Variants in PUM2 observed in about 807,000 individuals in gnomAD.
PUM2 encodes the protein pumilio homolog 2.
PUM2 carries 57 observed loss-of-function variants against 124.5 expected under a neutral mutation model. The ratio of observed to expected loss-of-function variants is 0.46; its 90% confidence interval spans 0.37 to 0.57. The LOEUF (loss-of-function observed/expected upper bound fraction) is 0.57. Ranked by LOEUF, PUM2 falls within the 20% of genes least tolerant of loss-of-function variation. PUM2 has a pLI of 0.00. For synonymous variants in PUM2, 460 were observed against 446.1 expected, an observed-to-expected ratio of 1.03 and a Z score of -0.39; for missense variants, 1,065 against 1,290.6, an observed-to-expected ratio of 0.83 and a Z score of 2.68.
chr2:20,249,270 A>C lies in PUM2; in HGVS notation c.*2315T>G, dbSNP rs916168587. 1 of 152,332 alleles carries C rather than the reference A, an allele frequency of 6.6e-6. No individual in the cohort carries two copies. The highest frequency in any genetic ancestry group is 1.9e-4 in the East Asian group (1 of 5,200). The allele number at this position is 152,332 out of a possible 1,614,324, so 9.4% of individuals were successfully genotyped here. A position where few individuals can be genotyped will look rare whatever the true frequency, so the allele number is the denominator to read the frequency against. Reference sequence around the variant, plus strand: ...AGGAAAGCCATTACCAATCTCCAACATGACAGCTTTGATCCTGAAACCATG... The same window carrying C: ...AGGAAAGCCATTACCAATCTCCAACCTGACAGCTTTGATCCTGAAACCATG... On this transcript the variant is annotated 3_prime_UTR_variant, in exon 21 of 21. Coordinates refer to ENST00000361078, the MANE Select transcript of PUM2 (RefSeq NM_015317.5).
chr2:20,264,269 G>A (rs6750331), intron 13 of PUM2, among the ~76,000 whole-genome samples: 44,208 of 140,490 alleles, frequency 0.31, 7,724 homozygotes, highest in East Asian at 0.74. Context: ...CCTGGGAGGC[G>A]GAGGTTGCAG....
intron 1 of PUM2, among the ~76,000 whole-genome samples, chr2:20,348,746 G>C (rs1462048921): frequency 6.6e-6 from 1 of 151,934 alleles, no homozygotes; most frequent in Non-Finnish European, 1.5e-5. Flanking sequence ...AACACAGTGA[G>C]ACCCTGTCTC....
intron 1 of PUM2, 160 bp downstream of exon 1, chr2:20,350,437 G>T: frequency 1.0e-6 from 1 of 958,928 alleles, no homozygotes; most frequent in Non-Finnish European, 1.2e-6. Context: ...CCCCTGCATT[G>T]TGCGAGCGGG....
chr2:20,288,557 T>C (rs941117052), intron 10 of PUM2, among the ~76,000 whole-genome samples: 7 of 151,848 alleles, frequency 4.6e-5, no homozygotes, highest in East Asian at 1.9e-4. Context: ...AAAGGAAGGA[T>C]TGGGAGAGGG....
In PUM2 at chr2:20,288,507, G is replaced by A. The variant is rs142893441; in HGVS notation, c.1291+2145C>T. On this transcript the variant is annotated intron_variant, in intron 10 of 20. Transcript: ENST00000361078. Reference sequence around the variant, plus strand: ...ATGAGGGAAGCAGAGCAGAGATAAAGCTTTTTAGGATGAACAGGCAGAATA... The same window carrying A: ...ATGAGGGAAGCAGAGCAGAGATAAAACTTTTTAGGATGAACAGGCAGAATA... Among the ~76,000 whole-genome samples, 1,122 of 152,310 alleles carry A rather than the reference G, an allele frequency of 7.4e-3. 9 individuals are homozygous for A. The highest frequency in any genetic ancestry group is 0.026 in the African/African-American group (1,074 of 41,578).
At chr2:20,283,540 T>C in intron 10 of PUM2, 54 bp from the exon 11 acceptor site, 2 of 1,526,706 alleles carry the variant, frequency 1.3e-6, no homozygotes, top group Non-Finnish European at 1.8e-6. Context: ...AACATGCATA[T>C]TTGTTTTTCC....
Position 20,278,798 on chromosome 2 carries a change from C to T in PUM2, c.1742G>A (p.Ser581Asn). The T allele has an allele frequency of 6.2e-7, 1 of 1,612,578 alleles. No individual in the cohort carries two copies. Among genetic ancestry groups the T allele is most frequent in the Non-Finnish European group, 8.5e-7 (1 of 1,179,036 alleles). ...GSSVGSSASS[S>N]ATRRESLSTS... ...AGATAGAGACTCTCTCCTTGTGGCA[C>T]TACTACTTGCAGAACTGCCAACTGA... Residue 581 changes from serine to asparagine, a missense_variant, in exon 13 of 21, where the codon AGT (serine) becomes AAT (asparagine). Ser to Asn is a conservative substitution (Grantham distance 46). This residue lies in a region of PUM2 where 968 missense variants were observed against 1,159.8 expected (regional missense o/e 0.83). Transcript: ENST00000361078.
intron 13 of PUM2, among the ~76,000 whole-genome samples, chr2:20,272,360 G>C (rs1039151559): frequency 1.3e-5 from 2 of 152,120 alleles, no homozygotes. Context: ...GTGTATGTGT[G>C]GTGTGAAACA....
intron 2 of PUM2, among the ~76,000 whole-genome samples, chr2:20,324,940 A>G (rs570634676): frequency 3.7e-5 from 5 of 135,352 alleles, no homozygotes; most frequent in African/African-American, 1.5e-4. Flanking sequence ...TTTTGCATTA[A>G]AAAAAAAAAA....
intron 14 of PUM2, among the ~76,000 whole-genome samples, chr2:20,261,602 T>C (rs987187869): frequency 2.0e-5 from 3 of 151,262 alleles, no homozygotes; most frequent in Non-Finnish European, 2.9e-5. Flanking sequence ...ACTGTTATCA[T>C]AGGAGAGGAC....
chr2:20,287,204 T>C (rs114139215), intron 10 of PUM2, among the ~76,000 whole-genome samples: 82 of 152,272 alleles, frequency 5.4e-4, no homozygotes, highest in South Asian at 1.2e-3. Flanking sequence ...ACATTTCCCA[T>C]CTACGACCAC....
chr2:20,276,360 C>T (rs1670270576), intron 13 of PUM2, among the ~76,000 whole-genome samples: 1 of 151,250 alleles, frequency 6.6e-6, no homozygotes, highest in Non-Finnish European at 1.5e-5. Flanking sequence ...TTTGGGGATG[C>T]AGATCTCAAG....
chr2:20,309,629 T>C (rs565440061), intron 5 of PUM2, among the ~76,000 whole-genome samples: 5 of 152,148 alleles, frequency 3.3e-5, no homozygotes, highest in Non-Finnish European at 5.9e-5. Context: ...TCCTTTCCTT[T>C]GTAAGAAAGA....
At chr2:20,287,402 G>A (rs939828385) in intron 10 of PUM2, among the ~76,000 whole-genome samples, 7 of 152,124 alleles carry the variant, frequency 4.6e-5, no homozygotes, top group African/African-American at 1.4e-4. Context: ...ATTAAAAGAT[G>A]AGAAGGATAG....
chr2:20,248,834 G>A lies in PUM2; in HGVS notation c.*2751C>T, dbSNP rs1475270161. ...AACATTATTTCATATGAACCAATAA[G>A]AGCCAGGACTTAGACAAACTGGTCC... On this transcript the variant is annotated 3_prime_UTR_variant, in exon 21 of 21. Coordinates refer to ENST00000361078, the MANE Select transcript of PUM2 (RefSeq NM_015317.5). 1.3e-5 allele frequency: 2 copies of A among 152,564 alleles called. No homozygotes were observed. The highest frequency in any genetic ancestry group is 2.9e-5 in the Non-Finnish European group (2 of 68,040). 9.5% of individuals were successfully genotyped at this position (152,564 alleles called of 1,614,324 possible). A position where few individuals can be genotyped will look rare whatever the true frequency, so the allele number is the denominator to read the frequency against.
intron 1 of PUM2, among the ~76,000 whole-genome samples, chr2:20,339,189 C>G (rs1282538377): frequency 6.6e-6 from 1 of 152,064 alleles, no homozygotes; most frequent in Non-Finnish European, 1.5e-5. Flanking sequence ...TACTTACATG[C>G]AGAATATGTA....
chr2:20,256,556 C>T (rs1205467011), intron 16 of PUM2, among the ~76,000 whole-genome samples: 1 of 152,206 alleles, frequency 6.6e-6, no homozygotes, highest in African/African-American at 2.4e-5. Flanking sequence ...GAATTACACA[C>T]TTCCGCCTTA....
At chr2:20,288,212 T>C (rs1443652102) in intron 10 of PUM2, among the ~76,000 whole-genome samples, 2 of 152,190 alleles carry the variant, frequency 1.3e-5, no homozygotes, top group Non-Finnish European at 2.9e-5. Context: ...CTGTCTTTTA[T>C]ATTTAAGGAT....
chr2:20,263,957 C>T (rs901583401), intron 13 of PUM2, among the ~76,000 whole-genome samples: 2 of 152,014 alleles, frequency 1.3e-5, no homozygotes, highest in African/African-American at 4.8e-5. Context: ...CATCATACCA[C>T]TGATGGTATG....
Sources: allele counts gnomAD v4.1 joint callset (sites outside exome capture counted in the v4.1 genomes callset), GRCh38; gene constraint gnomAD v4.1.1; regional missense constraint gnomAD v4.1.1; transcripts MANE v1.5; gene names NCBI Gene and HGNC (gene_info 2026-07-23, HGNC 2026-07-21).